PLXNA2: variants seen among roughly 807,000 people sequenced by gnomAD.
PLXNA2 encodes plexin-A2.
A neutral mutation model predicts 193.5 loss-of-function variants in PLXNA2; 91 were observed. The observed-to-expected ratio is 0.47, with a 90% CI of 0.40 to 0.56. The LOEUF (loss-of-function observed/expected upper bound fraction) is 0.56. Ranked by LOEUF, PLXNA2 falls within the 20% of genes least tolerant of loss-of-function variation. The probability of loss-of-function intolerance (pLI) is 0.00; values close to 1 mark genes in which losing one functional copy is unlikely to be tolerated. For synonymous variants in PLXNA2, 997 were observed against 1,027.3 expected (o/e 0.97, Z 0.56); for missense variants, 1,995 against 2,503.2 (o/e 0.80, Z 4.33).
At chr1:208,115,100 C>T (rs1667597753) in intron 4 of PLXNA2, among the ~76,000 whole-genome samples, 2 of 152,118 alleles carry the variant, frequency 1.3e-5, no homozygotes, top group Non-Finnish European at 2.9e-5. Flanking sequence ...GGTTTGGGAA[C>T]CTTTATAGAC....
intron 4 of PLXNA2, among the ~76,000 whole-genome samples, chr1:208,131,267 C>T (rs1668141954): frequency 6.6e-6 from 1 of 152,198 alleles, no homozygotes; most frequent in Non-Finnish European, 1.5e-5. Context: ...CACCTCTGAA[C>T]CTGCATCTTC....
chr1:208,238,042 A>G (rs1240932172), intron 1 of PLXNA2, among the ~76,000 whole-genome samples: 1 of 152,106 alleles, frequency 6.6e-6, no homozygotes, highest in East Asian at 1.9e-4. Context: ...ATCCCTCTAT[A>G]CTATGGTTGA....
At chr1:208,239,946 A>G (rs1671993064) in intron 1 of PLXNA2, among the ~76,000 whole-genome samples, 1 of 152,114 alleles carries the variant, frequency 6.6e-6, no homozygotes, top group African/African-American at 2.4e-5. Context: ...AGCTGGGGTG[A>G]AGGGGGGTAT....
At chr1:208,121,758 C>G (rs529039348) in intron 4 of PLXNA2, among the ~76,000 whole-genome samples, 24 of 152,196 alleles carry the variant, frequency 1.6e-4, no homozygotes, top group Admixed American at 1.6e-3. Context: ...AATGGTAGCC[C>G]CTGACACACA....
At chr1:208,185,935 C>T (rs1433815713) in intron 3 of PLXNA2, among the ~76,000 whole-genome samples, 1 of 152,000 alleles carries the variant, frequency 6.6e-6, no homozygotes, top group Non-Finnish European at 1.5e-5. Flanking sequence ...TGGTGTCTAT[C>T]AAGACTTAGC....
At chr1:208,192,730 T>C (rs1670222179) in intron 3 of PLXNA2, among the ~76,000 whole-genome samples, 1 of 151,838 alleles carries the variant, frequency 6.6e-6, no homozygotes, top group Non-Finnish European at 1.5e-5. Flanking sequence ...CTATTAAGAA[T>C]ACAAAAATTA....
chr1:208,087,223 T>C (rs1026119156), intron 9 of PLXNA2, among the ~76,000 whole-genome samples: 2 of 152,066 alleles, frequency 1.3e-5, no homozygotes, highest in Admixed American at 1.3e-4. Flanking sequence ...ATCCTTTTAA[T>C]GTGGACCAAA....
Position 208,028,787 on chromosome 1 carries a change from C to T in PLXNA2, c.5438+43G>A. Reference sequence around the variant, plus strand: ...TGATGACTATAGAGCGGGGAATGGGCAGGGAGACAAGGGCATGGGCCTGTC... The same window carrying T: ...TGATGACTATAGAGCGGGGAATGGGTAGGGAGACAAGGGCATGGGCCTGTC... On this transcript the variant is annotated intron_variant, in intron 30 of 31. Coordinates refer to ENST00000367033, the MANE Select transcript of PLXNA2 (RefSeq NM_025179.4). The surrounding 1 kb of genome is among the most constrained non-coding windows in gnomAD (Gnocchi z 4.2). 1.9e-6 allele frequency: 3 copies of T among 1,559,310 alleles called. No homozygotes were observed. Among genetic ancestry groups the T allele is most frequent in the Non-Finnish European group, 2.6e-6 (3 of 1,137,114 alleles).
intron 12 of PLXNA2, among the ~76,000 whole-genome samples, chr1:208,073,880 C>T (rs541763052): frequency 6.6e-6 from 1 of 152,182 alleles, no homozygotes; most frequent in African/African-American, 2.4e-5. Flanking sequence ...AGATTCCCAG[C>T]AACCACCAGA....
At chr1:208,130,524 TGCACACA>T (rs1342415767) in intron 4 of PLXNA2, among the ~76,000 whole-genome samples, 3 of 152,234 alleles carry the variant, frequency 2.0e-5, no homozygotes, top group Admixed American at 6.5e-5. Flanking sequence ...CCGAGCGCTG[TGCACACA>T]GCCTCCATTC....
chr1:208,083,005 G>A (rs567282594), intron 10 of PLXNA2, among the ~76,000 whole-genome samples: 99 of 152,202 alleles, frequency 6.5e-4, no homozygotes, highest in African/African-American at 2.3e-3. Flanking sequence ...CTCTTTTCAC[G>A]TGTCTCCCTA....
At chr1:208,140,843 T>TAAG (rs1183673789) in intron 4 of PLXNA2, among the ~76,000 whole-genome samples, 7 of 152,274 alleles carry the variant, frequency 4.6e-5, no homozygotes, top group African/African-American at 1.7e-4. Context: ...GTCTCTCTCT[T>TAAG]GTTAGATTGC....
At chr1:208,065,935 A>G (rs1423852424) in intron 12 of PLXNA2, among the ~76,000 whole-genome samples, 1 of 152,138 alleles carries the variant, frequency 6.6e-6, no homozygotes, top group Non-Finnish European at 1.5e-5. Context: ...ATTCTGGGGT[A>G]GGTGCAGCAT....
At chr1:208,160,672 T>C (rs2102513644) in intron 3 of PLXNA2, among the ~76,000 whole-genome samples, 1 of 152,370 alleles carries the variant, frequency 6.6e-6, no homozygotes, top group South Asian at 2.1e-4. Flanking sequence ...AATCTTGCCA[T>C]AAACATTTTT....
intron 9 of PLXNA2, among the ~76,000 whole-genome samples, chr1:208,091,855 C>T (rs911176152): frequency 2.4e-5 from 3 of 127,268 alleles, no homozygotes; most frequent in East Asian, 2.3e-4. Flanking sequence ...GGCGATAGAG[C>T]GAGACTTCAT....
intron 8 of PLXNA2, among the ~76,000 whole-genome samples, chr1:208,095,215 A>G (rs1039963504): frequency 2.0e-5 from 3 of 152,222 alleles, no homozygotes; most frequent in African/African-American, 7.2e-5. Context: ...CAAATGGTGT[A>G]TGAGTTCCCA....
intron 6 of PLXNA2, among the ~76,000 whole-genome samples, chr1:208,097,741 T>C (rs1666945238): frequency 6.6e-6 from 1 of 152,152 alleles, no homozygotes; most frequent in African/African-American, 2.4e-5. Context: ...TAAGTGGTAT[T>C]TGAATAGGTA....
chr1:208,081,688 A>C (rs1666347694), intron 11 of PLXNA2, among the ~76,000 whole-genome samples: 1 of 152,126 alleles, frequency 6.6e-6, no homozygotes, highest in East Asian at 1.9e-4. Flanking sequence ...TACCTCTCAG[A>C]GTTATTGTGA....
At chr1:208,203,921 C>T (rs1484349258) in intron 3 of PLXNA2, among the ~76,000 whole-genome samples, 1 of 152,166 alleles carries the variant, frequency 6.6e-6, no homozygotes, top group Admixed American at 6.5e-5. Context: ...CTTTGGTGCT[C>T]CTGATGGATT....
Sources: gnomAD v4.1 joint callset for allele counts (sites outside exome capture counted in the v4.1 genomes callset) on GRCh38, gnomAD v4.1.1 for gene constraint, Gnocchi (gnomAD v3.1) non-coding constraint, MANE v1.5 for transcripts, NCBI Gene and HGNC (gene_info 2026-07-23, HGNC 2026-07-21) for gene names.